Variants in CUL1 observed in about 807,000 individuals in gnomAD.
CUL1 encodes the protein cullin 1.
Under a neutral mutation model 118.0 loss-of-function variants are expected in CUL1, and 24 were observed. The ratio of observed to expected loss-of-function variants is 0.20; its 90% CI spans 0.15 to 0.29. CUL1 has a LOEUF of 0.29. CUL1 is among the 10% of genes least tolerant of loss of function. The pLI is 1.00. For missense variants in CUL1, 361 were observed against 933.8 expected (o/e 0.39, Z 7.99); for synonymous variants, 332 against 340.4 (o/e 0.98, Z 0.27).
intron 2 of CUL1, among the ~76,000 whole-genome samples, chr7:148,731,439 A>G (rs950257844): frequency 4.6e-5 from 7 of 152,234 alleles, no homozygotes; most frequent in East Asian, 1.9e-4. Context: ...AACTATGTCA[A>G]TCTCTGAATT....
intron 1 of CUL1, among the ~76,000 whole-genome samples, chr7:148,706,813 G>C (rs1242215522): frequency 1.3e-5 from 2 of 152,062 alleles, no homozygotes; most frequent in African/African-American, 4.8e-5. Flanking sequence ...TTATAATGGA[G>C]CTCTGCCTTA....
rs535301878 is a variant in CUL1, at chr7:148,731,423, A to T, written c.140+1161A>T. On this transcript the variant is annotated intron_variant, in intron 2 of 21. Coordinates refer to ENST00000325222, the MANE Select transcript of CUL1 (RefSeq NM_003592.3). Reference sequence around the variant, plus strand: ...AGAATCCTAAAAAAAATTTAAGTAGATATAAAACTATGTCAATCTCTGAAT... The same window carrying T: ...AGAATCCTAAAAAAAATTTAAGTAGTTATAAAACTATGTCAATCTCTGAAT... Among the ~76,000 whole-genome samples the T allele has an allele frequency of 4.6e-5, 7 of 152,350 alleles. No individual in the cohort carries two copies. The South Asian group carries it at 1.4e-3, about 32-fold the overall frequency.
chr7:148,699,741 A>ACCGGACAGAGCCCCCCGGCGC (rs1189165271), intron 1 of CUL1, among the ~76,000 whole-genome samples: 3 of 152,010 alleles, frequency 2.0e-5, no homozygotes, highest in Non-Finnish European at 4.4e-5. Flanking sequence ...CGGCGGCCGA[A>ACCGGACAGAGCCCCCCGGCGC]CCGGACAGAG....
chr7:148,756,936 A>T, intron 3 of CUL1, 47 bp from the exon 4 acceptor site: 2 of 1,331,450 alleles, frequency 1.5e-6, no homozygotes, highest in Non-Finnish European at 2.0e-6. Context: ...TTTAATTTAT[A>T]ATGTGACAAA....
At chr7:148,758,670 C>T (rs954481530) in intron 4 of CUL1, among the ~76,000 whole-genome samples, 1 of 152,184 alleles carries the variant, frequency 6.6e-6, no homozygotes, top group South Asian at 2.1e-4. Flanking sequence ...TTTTTATTGT[C>T]TGTATAGCTC....
chr7:148,759,401 G>T (rs192771615), intron 5 of CUL1, 47 bp downstream of exon 5: 21 of 1,593,736 alleles, frequency 1.3e-5, no homozygotes, highest in Admixed American at 3.4e-5. Flanking sequence ...AAATCCCTTC[G>T]CAGTTTCGTT....
chr7:148,759,270 A>G, intron 4 of CUL1, 34 bp from the exon 5 acceptor site: 5 of 1,597,878 alleles, frequency 3.1e-6, no homozygotes, highest in Non-Finnish European at 4.3e-6. Context: ...AAACATGGTA[A>G]AAGTATAGAC....
chr7:148,711,229 G>A (rs1288149080), intron 1 of CUL1, among the ~76,000 whole-genome samples: 1 of 152,112 alleles, frequency 6.6e-6, no homozygotes, highest in African/African-American at 2.4e-5. Context: ...CATAATTTCG[G>A]AAAATACTAA....
chr7:148,707,223 T>C (rs1256155307), intron 1 of CUL1, among the ~76,000 whole-genome samples: 2 of 152,156 alleles, frequency 1.3e-5, no homozygotes, highest in Non-Finnish European at 2.9e-5. Context: ...GATGTGTTCA[T>C]TTTTTTCTCT....
At chr7:148,792,956 C>A (rs1331213600) in intron 17 of CUL1, 138 bp downstream of exon 17, 1 of 596,298 alleles carries the variant, frequency 1.7e-6, no homozygotes, top group Non-Finnish European at 2.9e-6. Context: ...TGAATATGGC[C>A]TTATTCCAGG....
At chr7:148,794,115 C>A (rs184336386) in intron 17 of CUL1, among the ~76,000 whole-genome samples, 5 of 151,586 alleles carry the variant, frequency 3.3e-5, no homozygotes, top group Non-Finnish European at 7.4e-5. Flanking sequence ...GTTGTTGAGT[C>A]GTAAGAATTC....
intron 7 of CUL1, among the ~76,000 whole-genome samples, chr7:148,761,717 G>C (rs567133670): frequency 6.6e-6 from 1 of 152,160 alleles, no homozygotes; most frequent in Non-Finnish European, 1.5e-5. Context: ...AGTGTGGCCG[G>C]GTTCCAATAA....
At chr7:148,727,012 A>AAAAT (rs914978427) in intron 1 of CUL1, among the ~76,000 whole-genome samples, 4 of 152,030 alleles carry the variant, frequency 2.6e-5, no homozygotes, top group Non-Finnish European at 5.9e-5. Context: ...ACCCTATTTA[A>AAAAT]AAATAAATAA....
Position 148,800,630 on chromosome 7 carries a change from T to C in CUL1, c.*48T>C, listed in dbSNP as rs1282624270. 1 of 1,451,960 alleles carries C rather than the reference T, an allele frequency of 6.9e-7. No individual in the cohort carries two copies. The highest frequency in any genetic ancestry group is 1.4e-5 in the African/African-American group (1 of 71,168). 89.9% of individuals were successfully genotyped at this position (1,451,960 alleles called of 1,614,324 possible). ...TGTGACCCGCAGCAAATAGTTCATG[T>C]TGGAAAGAATGAAAACAACTCAAGT... On this transcript the variant is annotated 3_prime_UTR_variant, in exon 22 of 22. Transcript: ENST00000325222. The surrounding 1 kb of genome is among the most constrained non-coding windows in gnomAD (Gnocchi z 4.6).
Position 148,759,746 on chromosome 7 carries a change from T to C in CUL1, c.625+108T>C, listed in dbSNP as rs1479171801. 1.2e-4 allele frequency: 62 copies of C among 522,182 alleles called. No individual in the cohort carries two copies. The East Asian group carries it at 2.0e-3, about 17-fold the overall frequency. The allele number at this position is 522,182 out of a possible 1,614,324, so 32.3% of individuals were successfully genotyped here. A position where few individuals can be genotyped will look rare whatever the true frequency, so the allele number is the denominator to read the frequency against. ...AATATTTTAATATTATAAAGGATAT[T>C]GTTAGCATTTACGAAGGTACTTACA... On this transcript the variant is annotated intron_variant, in intron 6 of 21. Coordinates refer to ENST00000325222, the MANE Select transcript of CUL1 (RefSeq NM_003592.3).
chr7:148,781,501 G>A lies in CUL1; in HGVS notation c.1084-2282G>A, dbSNP rs182801536. On this transcript the variant is annotated intron_variant, in intron 9 of 21. Coordinates refer to ENST00000325222, the MANE Select transcript of CUL1 (RefSeq NM_003592.3). Reference sequence around the variant, plus strand: ...GGAGTCTGAAGACTTCTTTACTCCTGGAGATTTGGCTTTCCATGTGAGAAG... The same window carrying A: ...GGAGTCTGAAGACTTCTTTACTCCTAGAGATTTGGCTTTCCATGTGAGAAG... Among the ~76,000 whole-genome samples, 6 of 152,314 alleles carry A rather than the reference G, an allele frequency of 3.9e-5. No individual in the cohort carries two copies. In the East Asian group the frequency reaches 7.7e-4, roughly 20 times the overall value.
intron 1 of CUL1, among the ~76,000 whole-genome samples, chr7:148,728,809 T>TA (rs1563152094): frequency 6.6e-6 from 1 of 152,202 alleles, no homozygotes; most frequent in East Asian, 1.9e-4. Flanking sequence ...ACAGGGTCCC[T>TA]AAATGTGCCT....
rs561186461 is a variant in CUL1 at position 148,699,649 on chromosome 7, G to C, written c.-162+620G>C. Among the ~76,000 whole-genome samples, 7 of 152,286 alleles carry C rather than the reference G, an allele frequency of 4.6e-5. No individual in the cohort carries two copies. The East Asian group carries it at 1.2e-3, about 25-fold the overall frequency. ...GCCTGCATTGTTGCGAACGTGCAGGGCGCTATTATTGGGTAACAGTCGCCC... is the reference window on the plus strand; with the variant it reads ...GCCTGCATTGTTGCGAACGTGCAGGCCGCTATTATTGGGTAACAGTCGCCC... On this transcript the variant is annotated intron_variant, in intron 1 of 21. Coordinates refer to ENST00000325222, the MANE Select transcript of CUL1 (RefSeq NM_003592.3).
intron 2 of CUL1, among the ~76,000 whole-genome samples, chr7:148,750,454 C>G (rs534668095): frequency 6.6e-6 from 1 of 152,094 alleles, no homozygotes; most frequent in Non-Finnish European, 1.5e-5. Context: ...TCCCTAGCCC[C>G]CCGCCCCACG....
Sources: gnomAD v4.1 joint callset for allele counts (sites outside exome capture counted in the v4.1 genomes callset) on GRCh38, gnomAD v4.1.1 for gene constraint, Gnocchi (gnomAD v3.1) non-coding constraint, MANE v1.5 for transcripts, NCBI Gene and HGNC (gene_info 2026-07-23, HGNC 2026-07-21) for gene names.